Variants in WASHC5 observed in about 807,000 individuals in gnomAD.
The protein encoded by WASHC5 is WASH complex subunit strumpellin.
In WASHC5, 101 loss-of-function variants were observed where a neutral mutation model predicts 150.4. The observed-to-expected ratio is 0.67, with a 90% confidence interval of 0.57 to 0.79. WASHC5 has a LOEUF of 0.79. WASHC5 is among the 30% of genes least tolerant of loss of function. The pLI, the probability that WASHC5 is intolerant of heterozygous loss-of-function variation, is 0.00. For missense variants in WASHC5, 1,195 were observed against 1,396.3 expected (o/e 0.86, Z 2.30); for synonymous variants, 467 against 491.2 (o/e 0.95, Z 0.65).
Position 125,059,535 on chromosome 8 carries a change from T to C in WASHC5, c.1529A>G (p.Glu510Gly). The change falls in exon 13 of 29, where the codon GAA becomes GGA. Residue 510 changes from glutamate (E) to glycine (G), a missense_variant. This residue lies in a region of WASHC5 where 997 missense variants were observed against 1,168.1 expected (regional missense o/e 0.85). Transcript: ENST00000318410. The stretch of plus-strand genomic sequence containing the variant: ...CAGATTGGATTCCAACTGGTGGAAT[T>C]CTTGAACCTGTGTTACAGAAATATA... ...QLIQALEEVQEFHQLESNLQV... is the reference protein window; with the variant it reads ...QLIQALEEVQGFHQLESNLQV... The C allele has an allele frequency of 6.2e-7, 1 of 1,612,606 alleles. No homozygotes were observed. The highest frequency in any genetic ancestry group is 8.5e-7 in the Non-Finnish European group (1 of 1,178,916).
At chr8:125,056,928 A>G (rs1192273556) in intron 15 of WASHC5, 111 bp from the exon 16 acceptor site, 8 of 1,293,388 alleles carry the variant, frequency 6.2e-6, no homozygotes, top group Non-Finnish European at 9.0e-6. Flanking sequence ...GAAAAATGTA[A>G]AAGAGCTGTT....
At position 125,049,095 on chromosome 8, in the gene WASHC5, T is replaced by C; in HGVS notation, c.2290A>G (p.Ile764Val). 2.5e-6 allele frequency: 4 copies of C among 1,614,030 alleles called. No homozygotes were observed. The highest frequency in any genetic ancestry group is 3.4e-6 in the Non-Finnish European group (4 of 1,179,946). The change falls in exon 19 of 29, where the codon ATT (isoleucine) becomes GTT (valine). Residue 764 changes from isoleucine to valine, a missense_variant. Physicochemically the swap from Ile to Val is conservative, Grantham distance 29. Coordinates refer to ENST00000318410, the MANE Select transcript of WASHC5 (RefSeq NM_014846.4). ...TCCTGCCAAATCTTCAGACCATAAA[T>C]GTTGACATAGTCCTGTATGTATTCA... The part of the protein sequence containing the change: ...SFEYIQDYVN[I>V]YGLKIWQEEV...
In WASHC5 at chr8:125,059,235, GCT is replaced by G. The variant is rs749394732; in HGVS notation, c.1749_1750del (p.Arg583SerfsTer18). On this transcript the variant is annotated frameshift_variant, in exon 14 of 29. Transcript: ENST00000318410. LOFTEE classifies it high-confidence loss of function. ...TTTTTTGCTTACCTTTAGGAAGGTA[GCT>G]CTGAGTTTAGTAACCATGGATGGAT... is the stretch of plus-strand genomic sequence containing the variant. 1 of 1,613,196 alleles carries G rather than the reference GCT, an allele frequency of 6.2e-7. No individual in the cohort carries two copies. The highest frequency in any genetic ancestry group is 8.5e-7 in the Non-Finnish European group (1 of 1,179,168).
At chr8:125,066,195 T>A (rs79734593) in intron 10 of WASHC5, among the ~76,000 whole-genome samples, 3,997 of 152,298 alleles carry the variant, frequency 0.026, 181 homozygotes, top group African/African-American at 0.092. Context: ...AGGAGCAGCA[T>A]TTATCTGATT....
At chr8:125,078,978 A>G (rs751931844) in intron 5 of WASHC5, 48 bp from the exon 6 acceptor site, 1 of 1,504,684 alleles carries the variant, frequency 6.6e-7, no homozygotes, top group South Asian at 1.1e-5. Flanking sequence ...CACACATATT[A>G]GAAACTGAAA....
intron 16 of WASHC5, 135 bp from the exon 17 acceptor site, chr8:125,055,806 C>T: frequency 2.8e-6 from 2 of 703,770 alleles, no homozygotes; most frequent in Non-Finnish European, 2.6e-6. Flanking sequence ...CTCTGTGGTA[C>T]AACTGAAAGC....
intron 26 of WASHC5, among the ~76,000 whole-genome samples, chr8:125,033,352 T>TA (rs138226801): frequency 6.6e-6 from 1 of 151,956 alleles, no homozygotes; most frequent in Non-Finnish European, 1.5e-5. Flanking sequence ...TACCAAATAA[T>TA]AAAAAAAGAT....
intron 23 of WASHC5, among the ~76,000 whole-genome samples, chr8:125,043,381 G>A (rs1198348928): frequency 6.6e-6 from 1 of 152,172 alleles, no homozygotes; most frequent in Non-Finnish European, 1.5e-5. Context: ...CAGAGTATAA[G>A]GATAATTTAT....
At chr8:125,064,294 C>T (rs1816686077) in intron 10 of WASHC5, among the ~76,000 whole-genome samples, 1 of 152,208 alleles carries the variant, frequency 6.6e-6, no homozygotes, top group African/African-American at 2.4e-5. Context: ...CCTTGAACTC[C>T]TGGGTTCAAG....
In WASHC5 at chr8:125,027,064, T is replaced by C. The variant is rs143069766; in HGVS notation, c.3423+1556A>G. On this transcript the variant is annotated intron_variant, in intron 28 of 28. Coordinates refer to ENST00000318410, the MANE Select transcript of WASHC5 (RefSeq NM_014846.4). ...ATAAAGTGTTCTTTCATATTTCTTA[T>C]AGAGGTTATTCTTAGCTATATCATT... Among the ~76,000 whole-genome samples, 257 of 152,336 alleles carry C rather than the reference T, an allele frequency of 1.7e-3. 1 individual carries two copies. The highest frequency in any genetic ancestry group is 5.8e-3 in the African/African-American group (242 of 41,588).
Position 125,076,492 on chromosome 8 carries a change from C to A in WASHC5, c.720G>T (p.Ala240=), listed in dbSNP as rs758215702. The part of the protein sequence containing the change: ...RSDDIYNQVS[A]YPLPEHRSTA... ...TGCTGCGATGCTCCGGCAAAGGATA[C>A]GCTGAGACCTGCAATGTCAAGACGA... Residue 240 remains alanine (A), a synonymous_variant, in exon 7 of 29, where the codon GCG becomes GCT. Transcript: ENST00000318410. 1 of 1,613,706 alleles carries A rather than the reference C, an allele frequency of 6.2e-7. No homozygotes were observed. Among genetic ancestry groups the A allele is most frequent in the East Asian group, 2.2e-5 (1 of 44,884 alleles).
chr8:125,089,031 A>G (rs998100379), intron 1 of WASHC5, among the ~76,000 whole-genome samples: 1 of 152,202 alleles, frequency 6.6e-6, no homozygotes, highest in Non-Finnish European at 1.5e-5. Flanking sequence ...ACTCCCATGA[A>G]GGTACCCTGT....
intron 26 of WASHC5, among the ~76,000 whole-genome samples, chr8:125,036,499 TG>T (rs1297293365): frequency 2.6e-5 from 4 of 152,014 alleles, no homozygotes; most frequent in African/African-American, 9.7e-5. Context: ...GGCAAAACCC[TG>T]TTGCTACAAA....
At chr8:125,042,081 G>C (rs1815905986) in intron 23 of WASHC5, among the ~76,000 whole-genome samples, 1 of 152,172 alleles carries the variant, frequency 6.6e-6, no homozygotes, top group Non-Finnish European at 1.5e-5. Context: ...ATCTTTGTTA[G>C]TGACATTTTC....
intron 26 of WASHC5, among the ~76,000 whole-genome samples, chr8:125,033,553 CTTTT>C (rs113736246): frequency 7.0e-6 from 1 of 143,228 alleles, no homozygotes. Flanking sequence ...GCAGAGATTT[CTTTT>C]TTTTTTTTTT....
At chr8:125,052,335 G>C (rs1303530076) in intron 17 of WASHC5, among the ~76,000 whole-genome samples, 1 of 152,112 alleles carries the variant, frequency 6.6e-6, no homozygotes, top group Non-Finnish European at 1.5e-5. Context: ...ATCTGTGGAA[G>C]TGTTCACAGC....
chr8:125,035,210 A>C (rs2129974576), intron 26 of WASHC5, among the ~76,000 whole-genome samples: 1 of 152,334 alleles, frequency 6.6e-6, no homozygotes, highest in African/African-American at 2.4e-5. Flanking sequence ...TCAGTTATAA[A>C]CACCACATTT....
At chr8:125,034,498 G>A (rs550733718) in intron 26 of WASHC5, among the ~76,000 whole-genome samples, 5 of 151,436 alleles carry the variant, frequency 3.3e-5, no homozygotes, top group Non-Finnish European at 7.4e-5. Flanking sequence ...GTGAGACTCT[G>A]TTTCAGAAAA....
At chr8:125,073,567 C>A (rs1297690353) in intron 8 of WASHC5, among the ~76,000 whole-genome samples, 1 of 151,852 alleles carries the variant, frequency 6.6e-6, no homozygotes, top group Non-Finnish European at 1.5e-5. Flanking sequence ...ATATGGACTA[C>A]AGTTATAGGG....
Sources: allele counts gnomAD v4.1 joint callset (sites outside exome capture counted in the v4.1 genomes callset), GRCh38; gene constraint gnomAD v4.1.1; regional missense constraint gnomAD v4.1.1; transcripts MANE v1.5; gene names NCBI Gene and HGNC (gene_info 2026-07-23, HGNC 2026-07-21).